SPATA9: variants seen among roughly 807,000 people sequenced by gnomAD.
SPATA9 encodes spermatogenesis-associated protein 9.
Under a neutral mutation model 25.5 loss-of-function variants are expected in SPATA9, and 27 were observed. The ratio of observed to expected loss-of-function variants is 1.06; its 90% CI spans 0.78 to 1.46. The LOEUF (loss-of-function observed/expected upper bound fraction) is 1.46. SPATA9 is among the 40% of genes most tolerant of loss of function. The pLI, the probability that SPATA9 is intolerant of heterozygous loss-of-function variation, is 0.00. For synonymous variants in SPATA9, 102 were observed against 105.7 expected, an observed-to-expected ratio of 0.97 and a Z score of 0.21; for missense variants, 282 against 297.5, an observed-to-expected ratio of 0.95 and a Z score of 0.38.
the SPATA9 span, chr5:95,730,924 G>T: frequency 3.1e-5 from 14 of 456,630 alleles, no homozygotes; most frequent in South Asian, 1.6e-4. Context: ...AAGGCCAAGA[G>T]GGGGGGAAAT....
At chr5:95,704,635 AAAAT>A in the SPATA9 span, among the ~76,000 whole-genome samples, 2 of 152,134 alleles carry the variant, frequency 1.3e-5, no homozygotes, top group Non-Finnish European at 2.9e-5. Context: ...TATTGCCTTA[AAAAT>A]AAATAAATAA....
intron 2 of SPATA9, among the ~76,000 whole-genome samples, chr5:95,679,533 C>T (rs752525582): frequency 1.3e-5 from 2 of 152,178 alleles, no homozygotes; most frequent in African/African-American, 2.4e-5. Context: ...ACTTGGATGC[C>T]ATGTTACTAC....
In SPATA9 at chr5:95,682,545, A is replaced by G. The variant is rs771971830; in HGVS notation, c.133T>C (p.Leu45=). Residue 45 remains leucine, a synonymous_variant, in exon 2 of 5, where the codon TTA becomes CTA. Transcript: ENST00000274432. ...CACATTACCTGATTAGACTGTGATA[A>G]TCTTAGGATGGTGGGAAATTCATCT... The part of the protein sequence containing the change: ...FKDEFPTILR[L]SQSNQKREPA... 7 of 1,611,200 alleles carry G rather than the reference A, an allele frequency of 4.3e-6. No individual in the cohort carries two copies. The South Asian group carries it at 7.7e-5, about 18-fold the overall frequency.
At chr5:95,723,869 T>C in the SPATA9 span, among the ~76,000 whole-genome samples, 3 of 152,184 alleles carry the variant, frequency 2.0e-5, no homozygotes, top group Admixed American at 1.3e-4. Flanking sequence ...CTGAACTTTT[T>C]TGACCGAGCA....
the SPATA9 span, among the ~76,000 whole-genome samples, chr5:95,706,605 G>A: frequency 6.6e-6 from 1 of 152,088 alleles, no homozygotes; most frequent in African/African-American, 2.4e-5. Context: ...CACACCAGTA[G>A]ATAATCTAAG....
rs1261759280 is a variant in SPATA9 at position 95,690,279 on chromosome 5, T to G, written n.124+8309A>C. Among the ~76,000 whole-genome samples the G allele has an allele frequency of 2.6e-5, 4 of 152,168 alleles. No homozygotes were observed. In the East Asian group the frequency reaches 7.7e-4, roughly 29 times the overall value. ...ACTCAAGATTTTTAAGAATATATTT[T>G]TCCTAGATGTACAGGCTGAAACGGC... On this transcript the variant is annotated intron_variant and non_coding_transcript_variant, in intron 1 of 2. Transcript: ENST00000379990.
intron 3 of SPATA9, 45 bp downstream of exon 3, chr5:95,675,367 A>G: frequency 6.6e-7 from 1 of 1,515,854 alleles, no homozygotes; most frequent in Non-Finnish European, 8.9e-7. Flanking sequence ...CAAATTTAAA[A>G]GTTTCTTAAA....
At chr5:95,699,026 C>T (rs898821736), upstream of SPATA9, among the ~76,000 whole-genome samples, 7 of 152,180 alleles carry the variant, frequency 4.6e-5, no homozygotes, top group African/African-American at 1.7e-4. Flanking sequence ...TCAGTGGGAG[C>T]TTTCAGCATG....
At position 95,658,758 on chromosome 5, in the gene SPATA9, T is replaced by A; in HGVS notation, c.630A>T (p.Ala210=). 9 of 1,613,944 alleles carry A rather than the reference T, an allele frequency of 5.6e-6. No homozygotes were observed. Among genetic ancestry groups the A allele is most frequent in the Non-Finnish European group, 7.6e-6 (9 of 1,179,908 alleles). The change falls in exon 5 of 5, where the codon GCA becomes GCT. Residue 210 remains alanine (A), a synonymous_variant. Coordinates refer to ENST00000274432, the MANE Select transcript of SPATA9 (RefSeq NM_031952.4). Reference sequence around the variant, plus strand: ...TCTCCGGCAATGACCTATAAGGTTTTGCTTTGATTTCACCTTCAGCAAACA... The same window carrying A: ...TCTCCGGCAATGACCTATAAGGTTTAGCTTTGATTTCACCTTCAGCAAACA... ...EPMFAEGEIK[A]KPYRSLPEKP... is the part of the protein sequence containing the mutation.
intron 3 of SPATA9, among the ~76,000 whole-genome samples, chr5:95,672,424 A>T (rs1215563245): frequency 1.3e-5 from 2 of 151,536 alleles, no homozygotes. Context: ...ATTTCTCTAG[A>T]GGGACAGTTT....
the SPATA9 span, among the ~76,000 whole-genome samples, chr5:95,706,005 C>T: frequency 0.012 from 1,853 of 152,228 alleles, 43 homozygotes; most frequent in African/African-American, 0.042. Flanking sequence ...AAAATGTTAC[C>T]TATAATGTTT....
chr5:95,654,008 G>A (rs1750542769), downstream of SPATA9: 4 of 1,513,624 alleles, frequency 2.6e-6, no homozygotes, highest in Admixed American at 7.4e-5. Flanking sequence ...CCATTAAGCT[G>A]GAACCAAATT....
chr5:95,711,848 C>A, the SPATA9 span, among the ~76,000 whole-genome samples: 1 of 152,200 alleles, frequency 6.6e-6, no homozygotes, highest in African/African-American at 2.4e-5. Flanking sequence ...TACAGGGAAC[C>A]TGATTAGGAT....
the SPATA9 span, chr5:95,730,863 G>A: frequency 2.2e-6 from 1 of 455,750 alleles, no homozygotes; most frequent in Non-Finnish European, 4.4e-6. Context: ...AACAGCTGTA[G>A]CGCATGTTGA....
chr5:95,682,609 C>G lies in SPATA9; in HGVS notation c.69G>C (p.Gly23=). 15 of 1,612,618 alleles carry G rather than the reference C, an allele frequency of 9.3e-6. No homozygotes were observed. The highest frequency in any genetic ancestry group is 1.3e-5 in the Non-Finnish European group (15 of 1,179,374). The change falls in exon 2 of 5, where the codon GGG becomes GGC. Residue 23 remains glycine, a synonymous_variant. Coordinates refer to ENST00000274432, the MANE Select transcript of SPATA9 (RefSeq NM_031952.4). The stretch of plus-strand genomic sequence containing the variant: ...CAAGGTCCATGATTGCTTTCTGGAT[C>G]CCCTCGACTAAGACAAAAAGAGGTT... The part of the protein sequence containing the change: ...VLKNFSGRIE[G]IQKAIMDLVD...
chr5:95,660,719 A>C (rs1751183537), intron 4 of SPATA9, among the ~76,000 whole-genome samples: 2 of 152,162 alleles, frequency 1.3e-5, no homozygotes, highest in South Asian at 4.1e-4. Context: ...ATTTGTGCAC[A>C]TTCTAACCAC....
chr5:95,660,995 C>T (rs1187462159), intron 4 of SPATA9, among the ~76,000 whole-genome samples: 4 of 152,162 alleles, frequency 2.6e-5, no homozygotes, highest in Non-Finnish European at 5.9e-5. Context: ...TCTGTTTCCA[C>T]GTTATTACCT....
At chr5:95,720,849 G>A in the SPATA9 span, among the ~76,000 whole-genome samples, 1 of 152,024 alleles carries the variant, frequency 6.6e-6, no homozygotes, top group Non-Finnish European at 1.5e-5. Context: ...TTTTGTTTCT[G>A]TTCACCTACA....
chr5:95,661,724 AAT>A (rs1372296455), intron 4 of SPATA9, among the ~76,000 whole-genome samples: 2 of 152,116 alleles, frequency 1.3e-5, no homozygotes, highest in Admixed American at 6.5e-5. Flanking sequence ...AAACTGAATT[AAT>A]ATGTTTAAAA....
Sources: gnomAD v4.1 joint callset for allele counts (sites outside exome capture counted in the v4.1 genomes callset) on GRCh38, gnomAD v4.1.1 for gene constraint, MANE v1.5 for transcripts, NCBI Gene and HGNC (gene_info 2026-07-23, HGNC 2026-07-21) for gene names.